Variants in SAMMSON observed in about 807,000 individuals in gnomAD.
SAMMSON encodes the protein long intergenic non-protein coding RNA 1212.
At chr3:70,304,413 T>G (rs1434859777) in intron 7 of SAMMSON, among the ~76,000 whole-genome samples, 5 of 152,182 alleles carry the variant, frequency 3.3e-5, no homozygotes, top group Non-Finnish European at 7.4e-5. Context: ...AGTTGACAGT[T>G]TCCATGGGGA....
intron 7 of SAMMSON, among the ~76,000 whole-genome samples, chr3:70,318,218 T>G (rs1241918117): frequency 1.3e-5 from 2 of 152,054 alleles, no homozygotes; most frequent in Non-Finnish European, 1.5e-5. Flanking sequence ...TGTCCCATTC[T>G]CTGTATTTCT....
intron 1 of SAMMSON, among the ~76,000 whole-genome samples, chr3:70,005,074 CA>C (rs2066921110): frequency 6.6e-6 from 1 of 152,100 alleles, no homozygotes; most frequent in Non-Finnish European, 1.5e-5. Context: ...CTCTTTGCTA[CA>C]ATGTTTCAGT....
At chr3:70,369,486 A>T (rs1321271959) in intron 9 of SAMMSON, among the ~76,000 whole-genome samples, 4 of 151,438 alleles carry the variant, frequency 2.6e-5, no homozygotes, top group African/African-American at 9.7e-5. Flanking sequence ...AAAGCAGTTT[A>T]ATTTTTTTTC....
rs947418943 is a variant in SAMMSON, at chr3:70,189,928, T to C, written n.508-59179T>C. Among the ~76,000 whole-genome samples, 4 of 152,180 alleles carry C rather than the reference T, an allele frequency of 2.6e-5. 1 individual carries two copies. Among genetic ancestry groups the C allele is most frequent in the Admixed American group, 2.0e-4 (3 of 15,282 alleles). ...GAGATGTTTTGGGAATGAATTGTGA[T>C]GGACTTATATGAAAATTTATATGGC... On this transcript the variant is annotated intron_variant and non_coding_transcript_variant, in intron 4 of 9. Transcript: ENST00000642114.
intron 6 of SAMMSON, among the ~76,000 whole-genome samples, chr3:70,277,329 T>G (rs537257269): frequency 6.6e-6 from 1 of 152,292 alleles, no homozygotes; most frequent in East Asian, 1.9e-4. Flanking sequence ...CCTTAAAAAC[T>G]TATGTAAACG....
At chr3:70,221,680 G>T (rs1701461864) in intron 4 of SAMMSON, among the ~76,000 whole-genome samples, 2 of 152,136 alleles carry the variant, frequency 1.3e-5, no homozygotes, top group African/African-American at 4.8e-5. Context: ...GGTCAATGAT[G>T]CCAAGGTTCA....
At chr3:70,123,631 G>T (rs368735603) in intron 4 of SAMMSON, among the ~76,000 whole-genome samples, 3 of 152,186 alleles carry the variant, frequency 2.0e-5, no homozygotes, top group Non-Finnish European at 4.4e-5. Flanking sequence ...TGATTATGGC[G>T]TTCAGCCATG....
intron 9 of SAMMSON, among the ~76,000 whole-genome samples, chr3:70,367,043 A>G (rs73108526): frequency 0.089 from 13,485 of 151,722 alleles, 767 homozygotes; most frequent in African/African-American, 0.17. Flanking sequence ...GTATGGATAT[A>G]TAATTGTACA....
chr3:70,341,415 A>T (rs574861789), intron 7 of SAMMSON, among the ~76,000 whole-genome samples: 1 of 152,258 alleles, frequency 6.6e-6, no homozygotes, highest in Non-Finnish European at 1.5e-5. Flanking sequence ...TGAAAGAAAG[A>T]TTGCATAGTC....
chr3:70,181,810 A>C (rs1437574890), intron 4 of SAMMSON, among the ~76,000 whole-genome samples: 1 of 152,198 alleles, frequency 6.6e-6, no homozygotes, highest in East Asian at 1.9e-4. Flanking sequence ...TTCTTCCTTT[A>C]AGAAACATAT....
chr3:70,343,391 C>T (rs559060643), intron 7 of SAMMSON, among the ~76,000 whole-genome samples: 1 of 152,106 alleles, frequency 6.6e-6, no homozygotes, highest in East Asian at 1.9e-4. Flanking sequence ...CTCCTCTTTA[C>T]TGTGAGTGTT....
chr3:70,290,670 C>T (rs1015467758), intron 6 of SAMMSON, among the ~76,000 whole-genome samples: 1 of 152,180 alleles, frequency 6.6e-6, no homozygotes, highest in Non-Finnish European at 1.5e-5. Context: ...TCGCTGCCGC[C>T]TTGCAGTTTG....
At chr3:70,355,655 A>G (rs1283130280) in intron 8 of SAMMSON, among the ~76,000 whole-genome samples, 3 of 152,188 alleles carry the variant, frequency 2.0e-5, no homozygotes, top group Non-Finnish European at 4.4e-5. Context: ...TATCTTTAAA[A>G]AAGAGAAGAA....
intron 4 of SAMMSON, among the ~76,000 whole-genome samples, chr3:70,167,003 C>T (rs1290852603): frequency 1.3e-5 from 2 of 151,836 alleles, no homozygotes; most frequent in African/African-American, 4.8e-5. Context: ...CACAAGTAAT[C>T]TAAAATTTTA....
intron 6 of SAMMSON, among the ~76,000 whole-genome samples, chr3:70,270,531 G>A (rs1289878772): frequency 1.3e-5 from 2 of 152,248 alleles, no homozygotes; most frequent in African/African-American, 2.4e-5. Context: ...TCTCAAGTAT[G>A]TATATACATG....
At chr3:70,238,580 C>T (rs1701635898) in intron 4 of SAMMSON, among the ~76,000 whole-genome samples, 1 of 151,862 alleles carries the variant, frequency 6.6e-6, no homozygotes, top group South Asian at 2.1e-4. Context: ...CCACTGTACT[C>T]CAGCCTGGAT....
At chr3:70,259,089 G>A (rs1375246813) in intron 6 of SAMMSON, among the ~76,000 whole-genome samples, 2 of 152,106 alleles carry the variant, frequency 1.3e-5, no homozygotes, top group African/African-American at 2.4e-5. Context: ...AAATTATACG[G>A]TACCTCCTGC....
chr3:70,151,052 T>C (rs2067569335), intron 4 of SAMMSON, among the ~76,000 whole-genome samples: 2 of 151,404 alleles, frequency 1.3e-5, no homozygotes, highest in African/African-American at 4.9e-5. Context: ...CATGTTTCTA[T>C]TAGCATCCAG....
At chr3:70,162,003 T>C (rs2067617411) in intron 4 of SAMMSON, among the ~76,000 whole-genome samples, 1 of 151,862 alleles carries the variant, frequency 6.6e-6, no homozygotes, top group South Asian at 2.1e-4. Context: ...TCATCTTTAA[T>C]TTTTGTGATA....
Sources: allele counts gnomAD v4.1 joint callset (sites outside exome capture counted in the v4.1 genomes callset), GRCh38; gene constraint gnomAD v4.1.1; transcripts MANE v1.5; gene names NCBI Gene and HGNC (gene_info 2026-07-23, HGNC 2026-07-21).